The following RAB3GAP2 variants were observed in gnomAD, a reference collection of about 807,000 sequenced individuals.
The protein encoded by RAB3GAP2 is rab3 GTPase-activating protein non-catalytic subunit.
RAB3GAP2 carries 87 observed loss-of-function variants against 185.3 expected under a neutral mutation model. The ratio of observed to expected loss-of-function variants is 0.47; its 90% CI spans 0.39 to 0.56. The LOEUF (loss-of-function observed/expected upper bound fraction) is 0.56. Ranked by LOEUF, RAB3GAP2 falls within the 20% of genes least tolerant of loss-of-function variation. The pLI, the probability that RAB3GAP2 is intolerant of heterozygous loss-of-function variation, is 0.00. For synonymous variants in RAB3GAP2, 554 were observed against 576.1 expected, an observed-to-expected ratio of 0.96 and a Z score of 0.55; for missense variants, 1,492 against 1,638.2, an observed-to-expected ratio of 0.91 and a Z score of 1.54.
chr1:220,262,026 A>T (rs1354119163), intron 1 of RAB3GAP2, among the ~76,000 whole-genome samples: 1 of 151,918 alleles, frequency 6.6e-6, no homozygotes, highest in Non-Finnish European at 1.5e-5. Context: ...GCGGTGGCTC[A>T]CACCTGTAAT....
At chr1:220,253,046 T>C (rs1422113482) in intron 1 of RAB3GAP2, among the ~76,000 whole-genome samples, 1 of 152,184 alleles carries the variant, frequency 6.6e-6, no homozygotes, top group Non-Finnish European at 1.5e-5. Context: ...GGCTACCATC[T>C]TTGTGGTTCG....
chr1:220,200,184 T>C lies in RAB3GAP2; in HGVS notation c.811+2092A>G, dbSNP rs557043591. 3.3e-5 allele frequency among the ~76,000 whole-genome samples: 5 copies of C among 152,286 alleles called. No individual in the cohort carries two copies. In the East Asian group the frequency reaches 7.7e-4, roughly 24 times the overall value. Reference sequence around the variant, plus strand: ...GCTCCCAGGCCTATATCCCTGATGCTCCTCTACCTAGAATGCTCTTCCTAC... The same window carrying C: ...GCTCCCAGGCCTATATCCCTGATGCCCCTCTACCTAGAATGCTCTTCCTAC... On this transcript the variant is annotated intron_variant, in intron 9 of 34. Transcript: ENST00000358951.
rs1244400100 is a variant in RAB3GAP2 at position 220,184,273 on chromosome 1, GT to G, written c.1871-111del. ...TTATGTAATTCCCTGATGCTCTGATGTATTAAATACTGAGATGCTTAAGCTA... is the reference window on the plus strand; with the variant it reads ...TTATGTAATTCCCTGATGCTCTGATGATTAAATACTGAGATGCTTAAGCTA... On this transcript the variant is annotated intron_variant, in intron 18 of 34. Coordinates refer to ENST00000358951, the MANE Select transcript of RAB3GAP2 (RefSeq NM_012414.4). 2.8e-5 allele frequency: 30 copies of G among 1,056,270 alleles called. No homozygotes were observed. In the African/African-American group the frequency reaches 4.4e-4, roughly 16 times the overall value. 65.4% of individuals were successfully genotyped at this position (1,056,270 alleles called of 1,614,324 possible).
chr1:220,197,357 G>A (rs968072542), intron 9 of RAB3GAP2, among the ~76,000 whole-genome samples: 1 of 152,052 alleles, frequency 6.6e-6, no homozygotes, highest in African/African-American at 2.4e-5. Context: ...CCTCCCCTTT[G>A]CCTGAAAACT....
chr1:220,165,633 T>A (rs1658048836), intron 26 of RAB3GAP2, among the ~76,000 whole-genome samples: 1 of 152,124 alleles, frequency 6.6e-6, no homozygotes, highest in Non-Finnish European at 1.5e-5. Flanking sequence ...TGGGGCAAGA[T>A]GAATATTTAA....
chr1:220,184,415 T>C (rs1166564384), intron 18 of RAB3GAP2, among the ~76,000 whole-genome samples: 5 of 152,168 alleles, frequency 3.3e-5, no homozygotes, highest in Non-Finnish European at 5.9e-5. Flanking sequence ...AATATCTTCA[T>C]CTAATACTTA....
At chr1:220,196,196 A>C in intron 10 of RAB3GAP2, 54 bp downstream of exon 10, 1 of 1,576,366 alleles carries the variant, frequency 6.3e-7, no homozygotes, top group Admixed American at 1.7e-5. Context: ...CAATTTGTAG[A>C]CAAATTGTAA....
chr1:220,232,311 G>C (rs1023656094), intron 2 of RAB3GAP2, among the ~76,000 whole-genome samples: 2 of 152,196 alleles, frequency 1.3e-5, no homozygotes, highest in African/African-American at 4.8e-5. Context: ...GAGGTAATTA[G>C]GTCATGAGAG....
chr1:220,200,570 T>C (rs1478242335), intron 9 of RAB3GAP2: 1 of 529,546 alleles, frequency 1.9e-6, no homozygotes, highest in African/African-American at 1.9e-5. Flanking sequence ...GATAAATGAA[T>C]AGAATAATAG....
At chr1:220,191,323 T>A (rs762300949) in intron 13 of RAB3GAP2, 39 bp from the exon 14 acceptor site, 69 of 1,174,710 alleles carry the variant, frequency 5.9e-5, no homozygotes, top group Non-Finnish European at 7.3e-5. Flanking sequence ...TTACTTAATC[T>A]AGGTTCCATA....
rs1018038565 is a variant in RAB3GAP2, at chr1:220,149,680, A to T, written c.*1571T>A. The T allele has an allele frequency of 6.6e-6, 1 of 152,166 alleles. No homozygotes were observed. The highest frequency in any genetic ancestry group is 1.5e-5 in the Non-Finnish European group (1 of 68,038). The allele number at this position is 152,166 out of a possible 1,614,324, so 9.4% of individuals were successfully genotyped here. On this transcript the variant is annotated 3_prime_UTR_variant, in exon 35 of 35. Transcript: ENST00000358951. Reference sequence around the variant, plus strand: ...TGGACTAGCCCTTTCCAGTGCTGCTACTCTGTAAAATGTATGTCTCAATCA... The same window carrying T: ...TGGACTAGCCCTTTCCAGTGCTGCTTCTCTGTAAAATGTATGTCTCAATCA...
At chr1:220,236,978 C>T (rs1050050088) in intron 1 of RAB3GAP2, among the ~76,000 whole-genome samples, 4 of 152,076 alleles carry the variant, frequency 2.6e-5, no homozygotes, top group African/African-American at 2.4e-5. Flanking sequence ...GACTGATTTG[C>T]CTAATTTATT....
intron 6 of RAB3GAP2, 91 bp downstream of exon 6, chr1:220,210,710 C>T (rs1659066523): frequency 7.6e-7 from 1 of 1,322,540 alleles, no homozygotes; most frequent in Admixed American, 1.9e-5. Context: ...TTTCAGGCAG[C>T]AGGTAATAAA....
At chr1:220,168,345 GC>G (rs1658110639) in intron 24 of RAB3GAP2, among the ~76,000 whole-genome samples, 1 of 151,882 alleles carries the variant, frequency 6.6e-6, no homozygotes, top group Admixed American at 6.6e-5. Flanking sequence ...GCCTGCCTCA[GC>G]CCCCCAAAGT....
chr1:220,253,213 C>T (rs1571930433), intron 1 of RAB3GAP2, among the ~76,000 whole-genome samples: 1 of 152,188 alleles, frequency 6.6e-6, no homozygotes, highest in South Asian at 2.1e-4. Flanking sequence ...TGGGACCTCC[C>T]AACAGGGGTC....
At chr1:220,242,127 TAC>T (rs1659707553) in intron 1 of RAB3GAP2, among the ~76,000 whole-genome samples, 1 of 152,118 alleles carries the variant, frequency 6.6e-6, no homozygotes, top group Non-Finnish European at 1.5e-5. Flanking sequence ...TTCTTCAAAG[TAC>T]ACACAGAGAA....
chr1:220,214,055 G>A, intron 2 of RAB3GAP2, 76 bp from the exon 3 acceptor site: 2 of 1,402,162 alleles, frequency 1.4e-6, no homozygotes, highest in Non-Finnish European at 2.0e-6. Context: ...GTCTCAAGGG[G>A]TGAGAGGGAA....
At chr1:220,189,067 C>T (rs557420635) in intron 17 of RAB3GAP2, among the ~76,000 whole-genome samples, 1 of 152,162 alleles carries the variant, frequency 6.6e-6, no homozygotes, top group Non-Finnish European at 1.5e-5. Context: ...TTCTAAATTA[C>T]AGTTACCTTA....
intron 33 of RAB3GAP2, among the ~76,000 whole-genome samples, chr1:220,152,019 A>G (rs1218962390): frequency 6.6e-6 from 1 of 152,086 alleles, no homozygotes; most frequent in African/African-American, 2.4e-5. Context: ...GCTGTTTTCA[A>G]ACTTTTGGCA....
Sources: gnomAD v4.1 joint callset for allele counts (sites outside exome capture counted in the v4.1 genomes callset) on GRCh38, gnomAD v4.1.1 for gene constraint, MANE v1.5 for transcripts, NCBI Gene and HGNC (gene_info 2026-07-23, HGNC 2026-07-21) for gene names.